Variants in NPSR1 observed in about 807,000 individuals in gnomAD.
The protein encoded by NPSR1 is neuropeptide S receptor.
NPSR1 carries 48 observed loss-of-function variants against 46.9 expected under a neutral mutation model. That is an observed-to-expected ratio of 1.02 (90% confidence interval 0.81 to 1.30). The LOEUF (loss-of-function observed/expected upper bound fraction) is 1.30. Among genes scored for constraint, NPSR1 ranks in the 50% most tolerant of loss-of-function variants. The pLI is 0.00. For synonymous variants in NPSR1, 176 were observed against 168.1 expected (o/e 1.05, Z -0.36); for missense variants, 450 against 449.5 (o/e 1.00, Z -0.01).
At chr7:34,738,150 C>T (rs1784768856) in intron 2 of NPSR1, among the ~76,000 whole-genome samples, 1 of 152,166 alleles carries the variant, frequency 6.6e-6, no homozygotes, top group Admixed American at 6.5e-5. Flanking sequence ...CAAATCAAAG[C>T]ATCTTGAACA....
chr7:34,699,738 T>C (rs757895785), intron 2 of NPSR1, among the ~76,000 whole-genome samples: 58 of 152,168 alleles, frequency 3.8e-4, no homozygotes, highest in Admixed American at 1.3e-4. Flanking sequence ...ACCTTAATTA[T>C]TTCCACAGAG....
intron 8 of NPSR1, among the ~76,000 whole-genome samples, chr7:34,874,233 G>A (rs1404170892): frequency 1.3e-5 from 2 of 152,176 alleles, no homozygotes; most frequent in Non-Finnish European, 1.5e-5. Flanking sequence ...AAGTTGCAGT[G>A]CTTATCTGTG....
intron 2 of NPSR1, among the ~76,000 whole-genome samples, chr7:34,711,663 T>C (rs1251261508): frequency 6.6e-6 from 1 of 152,200 alleles, no homozygotes; most frequent in Non-Finnish European, 1.5e-5. Flanking sequence ...GTGATTTTAA[T>C]TTGCAGCCAG....
chr7:34,815,204 A>C (rs1274510189), intron 4 of NPSR1, among the ~76,000 whole-genome samples: 1 of 152,224 alleles, frequency 6.6e-6, no homozygotes, highest in Admixed American at 6.5e-5. Flanking sequence ...TAAATAGAAT[A>C]AACAGTGTAG....
At chr7:34,753,996 CA>C (rs1361503464) in intron 2 of NPSR1, among the ~76,000 whole-genome samples, 1 of 152,038 alleles carries the variant, frequency 6.6e-6, no homozygotes, top group African/African-American at 2.4e-5. Flanking sequence ...GATGTCAGAC[CA>C]GCACTAGAAG....
chr7:34,671,757 C>T (rs1285084562), intron 1 of NPSR1, among the ~76,000 whole-genome samples: 16 of 152,172 alleles, frequency 1.1e-4, no homozygotes, highest in Admixed American at 9.8e-4. Context: ...GTTCTCATCT[C>T]CCAGGATGTT....
At chr7:34,762,638 C>T (rs901861357) in intron 2 of NPSR1, among the ~76,000 whole-genome samples, 3 of 152,130 alleles carry the variant, frequency 2.0e-5, no homozygotes, top group African/African-American at 4.8e-5. Flanking sequence ...TATACACACT[C>T]GCTTTAAAAA....
At chr7:34,873,384 C>G (rs1374565341) in intron 8 of NPSR1, among the ~76,000 whole-genome samples, 2 of 151,648 alleles carry the variant, frequency 1.3e-5, no homozygotes, top group Admixed American at 6.6e-5. Flanking sequence ...TTATGCCATT[C>G]TTACACTGCT....
At chr7:34,701,427 T>G (rs1401191007) in intron 2 of NPSR1, among the ~76,000 whole-genome samples, 1 of 152,190 alleles carries the variant, frequency 6.6e-6, no homozygotes, top group African/African-American at 2.4e-5. Flanking sequence ...TTCCCCAGAA[T>G]CATTTACTCC....
At chr7:34,668,788 G>A (rs929545279) in intron 1 of NPSR1, among the ~76,000 whole-genome samples, 5 of 152,122 alleles carry the variant, frequency 3.3e-5, no homozygotes, top group African/African-American at 1.2e-4. Context: ...ACCTTGCCCT[G>A]GCTCTCATAA....
At chr7:34,868,329 C>T (rs1166528185) in intron 8 of NPSR1, among the ~76,000 whole-genome samples, 1 of 151,676 alleles carries the variant, frequency 6.6e-6, no homozygotes, top group Non-Finnish European at 1.5e-5. Flanking sequence ...TCTGTTACTC[C>T]CGCCTGGCCT....
In NPSR1 at chr7:34,702,031, C is replaced by T. The variant is rs323917; in HGVS notation, c.280+17347C>T. On this transcript the variant is annotated intron_variant, in intron 2 of 8. Transcript: ENST00000360581. The stretch of plus-strand genomic sequence containing the variant: ...TTTATCTTATGTAAAGAAGTCCGGA[C>T]GTAGGTAATCCAGGGCTCGTGCTGC... 7.0e-4 allele frequency among the ~76,000 whole-genome samples: 107 copies of T among 152,240 alleles called. 1 individual carries two copies. Among genetic ancestry groups the T allele is most frequent in the Middle Eastern group, 3.4e-3 (1 of 294 alleles).
At chr7:34,798,709 GAA>G (rs973342799) in intron 3 of NPSR1, among the ~76,000 whole-genome samples, 3 of 152,076 alleles carry the variant, frequency 2.0e-5, no homozygotes, top group African/African-American at 7.2e-5. Context: ...TCCATCAAGA[GAA>G]ACTTCATATG....
Position 34,823,399 on chromosome 7 carries a change from G to GAAAAAAAAAAAAAA in NPSR1, c.479-3998_479-3985dup, listed in dbSNP as rs577186339. Among the ~76,000 whole-genome samples, 17 of 68,274 alleles carry GAAAAAAAAAAAAAA rather than the reference G, an allele frequency of 2.5e-4. 1 individual carries two copies. In the East Asian group the frequency reaches 3.6e-3, roughly 14 times the overall value. 44.8% of individuals were successfully genotyped at this position (68,274 alleles called of 152,430 possible). On this transcript the variant is annotated intron_variant, in intron 4 of 8. Coordinates refer to ENST00000360581, the MANE Select transcript of NPSR1 (RefSeq NM_207172.2). ...TTGGCAACAGAGCAAGACTTCACCA[G>GAAAAAAAAAAAAAA]AAAAAAAAAAAAAAAAACAACACCA... is the stretch of plus-strand genomic sequence containing the variant.
intron 2 of NPSR1, chr7:34,686,285 G>C (rs1041741485): frequency 6.6e-6 from 1 of 152,006 alleles, no homozygotes; most frequent in East Asian, 1.9e-4. Flanking sequence ...AAACTCTAGG[G>C]GTCAGGTCAG....
chr7:34,727,051 A>T (rs1335862699), intron 2 of NPSR1, among the ~76,000 whole-genome samples: 2 of 152,210 alleles, frequency 1.3e-5, no homozygotes, highest in African/African-American at 4.8e-5. Flanking sequence ...GTTCATCAAT[A>T]GTAAGAAATG....
Position 34,857,367 on chromosome 7 carries a change from A to T in NPSR1, c.1025+8704A>T, listed in dbSNP as rs117153487. Among the ~76,000 whole-genome samples, 977 of 151,922 alleles carry T rather than the reference A, an allele frequency of 6.4e-3. 4 individuals are homozygous for T. The highest frequency in any genetic ancestry group is 0.011 in the Non-Finnish European group (749 of 68,006). ...TAACTAACCACATATCAAACTTATC[A>T]TGAAAGAATAATAATGAAAGCTGTG... is the stretch of plus-strand genomic sequence containing the variant. On this transcript the variant is annotated intron_variant, in intron 8 of 8. Transcript: ENST00000359791.
intron 2 of NPSR1, among the ~76,000 whole-genome samples, chr7:34,709,842 T>G (rs780074214): frequency 1.3e-5 from 2 of 152,052 alleles, no homozygotes; most frequent in Non-Finnish European, 2.9e-5. Context: ...CTAAGCATTA[T>G]GACAGAATAT....
downstream of NPSR1, among the ~76,000 whole-genome samples, chr7:34,850,394 A>AG (rs1790897070): frequency 7.3e-6 from 1 of 136,194 alleles, no homozygotes; most frequent in Admixed American, 7.3e-5. Flanking sequence ...CATGTCCTTG[A>AG]GGCCTTTTTT....
Sources: gnomAD v4.1 joint callset for allele counts (sites outside exome capture counted in the v4.1 genomes callset) on GRCh38, gnomAD v4.1.1 for gene constraint, MANE v1.5 for transcripts, NCBI Gene and HGNC (gene_info 2026-07-23, HGNC 2026-07-21) for gene names.